Variants in ALCAM observed in about 807,000 individuals in gnomAD.
ALCAM encodes CD166 antigen.
Under a neutral mutation model 70.9 loss-of-function variants are expected in ALCAM, and 30 were observed. The observed-to-expected ratio is 0.42, with a 90% CI of 0.32 to 0.57. ALCAM has a LOEUF of 0.57. Among genes scored for constraint, ALCAM ranks in the 20% least tolerant of loss-of-function variants. The pLI is 0.11. For synonymous variants in ALCAM, 249 were observed against 242.5 expected, an observed-to-expected ratio of 1.03 and a Z score of -0.25; for missense variants, 591 against 695.1, an observed-to-expected ratio of 0.85 and a Z score of 1.68.
At chr3:105,386,340 G>A (rs1034131433) in intron 1 of ALCAM, among the ~76,000 whole-genome samples, 2 of 151,588 alleles carry the variant, frequency 1.3e-5, no homozygotes, top group African/African-American at 4.8e-5. Context: ...CTGCACAATG[G>A]TTTATGCATG....
At chr3:105,385,952 C>A (rs1935641799) in intron 1 of ALCAM, among the ~76,000 whole-genome samples, 1 of 151,444 alleles carries the variant, frequency 6.6e-6, no homozygotes, top group Non-Finnish European at 1.5e-5. Flanking sequence ...AGGTTCAGTT[C>A]CATAACTGAA....
At chr3:105,440,652 G>A (rs1937150496) in intron 1 of ALCAM, among the ~76,000 whole-genome samples, 1 of 152,130 alleles carries the variant, frequency 6.6e-6, no homozygotes, top group Non-Finnish European at 1.5e-5. Flanking sequence ...CACATGCCCT[G>A]GGGAATCTGT....
At chr3:105,414,817 A>C (rs1403304977) in intron 1 of ALCAM, among the ~76,000 whole-genome samples, 4 of 152,150 alleles carry the variant, frequency 2.6e-5, no homozygotes, top group Admixed American at 6.6e-5. Flanking sequence ...TTGGGAATAC[A>C]TCAAAGGCTT....
intron 6 of ALCAM, among the ~76,000 whole-genome samples, chr3:105,535,434 T>C (rs1032127958): frequency 6.6e-6 from 1 of 152,162 alleles, no homozygotes; most frequent in Non-Finnish European, 1.5e-5. Context: ...GCTTTCCTTG[T>C]AAGACAGGTG....
At chr3:105,419,779 G>T (rs143717312) in intron 1 of ALCAM, among the ~76,000 whole-genome samples, 36 of 151,934 alleles carry the variant, frequency 2.4e-4, no homozygotes, top group African/African-American at 7.7e-4. Flanking sequence ...AAAATAAGCA[G>T]GTGGTTATAA....
chr3:105,534,947 C>T (rs927330304), intron 6 of ALCAM, 102 bp downstream of exon 6: 1 of 1,175,464 alleles, frequency 8.5e-7, no homozygotes, highest in South Asian at 1.6e-5. Context: ...TTGAATTCTG[C>T]TTCCAGTCTG....
chr3:105,375,365 A>G (rs565687059), intron 1 of ALCAM, among the ~76,000 whole-genome samples: 7 of 152,144 alleles, frequency 4.6e-5, no homozygotes, highest in Non-Finnish European at 1.0e-4. Context: ...GGAGTACTTC[A>G]CTGTGATAAA....
At chr3:105,401,498 T>G (rs937537923) in intron 1 of ALCAM, among the ~76,000 whole-genome samples, 8 of 152,224 alleles carry the variant, frequency 5.3e-5, no homozygotes, top group African/African-American at 1.9e-4. Flanking sequence ...TGCGGTTGTT[T>G]ATTCATTCAT....
rs563625280 is a variant in ALCAM, at chr3:105,417,144, G to A, written c.73+49663G>A. ...ATGTCTCCCAGCCCCACTTCCACCCGAGACATTCACACACCCCATTTCCTC... is the reference window on the plus strand; with the variant it reads ...ATGTCTCCCAGCCCCACTTCCACCCAAGACATTCACACACCCCATTTCCTC... On this transcript the variant is annotated intron_variant, in intron 1 of 15. Coordinates refer to ENST00000306107, the MANE Select transcript of ALCAM (RefSeq NM_001627.4). Among the ~76,000 whole-genome samples, 6 of 151,472 alleles carry A rather than the reference G, an allele frequency of 4.0e-5. No homozygotes were observed. In the South Asian group the frequency reaches 1.0e-3, roughly 26 times the overall value.
intron 1 of ALCAM, among the ~76,000 whole-genome samples, chr3:105,462,658 A>G (rs1371250527): frequency 6.6e-6 from 1 of 151,464 alleles, no homozygotes; most frequent in Non-Finnish European, 1.5e-5. Flanking sequence ...CATTGCCCAT[A>G]GCAAAGTAAA....
At chr3:105,459,911 G>A (rs1576177706) in intron 1 of ALCAM, among the ~76,000 whole-genome samples, 1 of 152,172 alleles carries the variant, frequency 6.6e-6, no homozygotes, top group African/African-American at 2.4e-5. Context: ...ACAGCAGGCT[G>A]TGGAAGGGAA....
At chr3:105,474,620 C>T (rs1051407850) in intron 1 of ALCAM, among the ~76,000 whole-genome samples, 2 of 150,786 alleles carry the variant, frequency 1.3e-5, no homozygotes, top group South Asian at 4.2e-4. Context: ...AGAGAGAGAG[C>T]GAGAAAGAAA....
chr3:105,552,756 T>G, intron 14 of ALCAM, 171 bp downstream of exon 14: 2 of 1,435,550 alleles, frequency 1.4e-6, no homozygotes, highest in South Asian at 1.5e-5. Context: ...CTACACTGCC[T>G]TTGTCAGGGA....
intron 1 of ALCAM, among the ~76,000 whole-genome samples, chr3:105,472,770 C>T (rs1304216516): frequency 6.6e-6 from 1 of 151,462 alleles, no homozygotes; most frequent in Non-Finnish European, 1.5e-5. Context: ...AACACACATT[C>T]TCAAGTACAG....
At chr3:105,372,640 C>T (rs969525446) in intron 1 of ALCAM, among the ~76,000 whole-genome samples, 9 of 152,074 alleles carry the variant, frequency 5.9e-5, no homozygotes, top group Non-Finnish European at 1.2e-4. Context: ...CTTCAATGAA[C>T]ATGTCTATAC....
chr3:105,492,976 T>C (rs902782349), intron 1 of ALCAM, among the ~76,000 whole-genome samples: 1 of 152,232 alleles, frequency 6.6e-6, no homozygotes, highest in African/African-American at 2.4e-5. Context: ...TTTGATTTTT[T>C]TCATTTTCTC....
In ALCAM at chr3:105,388,428, C is replaced by T. The variant is rs1935714330; in HGVS notation, c.73+20947C>T. ...TTTGAAATGCTACTTTTGAGGAAGA[C>T]TCAGGGACTTCTACCTCTTAGAGTA... On this transcript the variant is annotated intron_variant, in intron 1 of 15. Transcript: ENST00000306107. 2.0e-5 allele frequency among the ~76,000 whole-genome samples: 3 copies of T among 151,536 alleles called. No homozygotes were observed. The South Asian group carries it at 6.2e-4, about 31-fold the overall frequency.
intron 1 of ALCAM, among the ~76,000 whole-genome samples, chr3:105,476,628 A>AC (rs1283692866): frequency 6.6e-6 from 1 of 151,944 alleles, no homozygotes; most frequent in Non-Finnish European, 1.5e-5. Context: ...ACAAACAACA[A>AC]AAAAAAATCC....
At chr3:105,556,523 G>T (rs537855251) in intron 14 of ALCAM, among the ~76,000 whole-genome samples, 3 of 151,886 alleles carry the variant, frequency 2.0e-5, no homozygotes, top group Non-Finnish European at 2.9e-5. Context: ...TGCCTTATAC[G>T]ATGCTTTATT....
Sources: gnomAD v4.1 joint callset for allele counts (sites outside exome capture counted in the v4.1 genomes callset) on GRCh38, gnomAD v4.1.1 for gene constraint, MANE v1.5 for transcripts, NCBI Gene and HGNC (gene_info 2026-07-23, HGNC 2026-07-21) for gene names.